PCDHA2: variants seen among roughly 807,000 people sequenced by gnomAD.
The protein encoded by PCDHA2 is protocadherin alpha-2.
In PCDHA2, 58 loss-of-function variants were observed where a neutral mutation model predicts 66.0. That is an observed-to-expected ratio of 0.88 (90% CI 0.71 to 1.09). The LOEUF is 1.09. Ranked by LOEUF, PCDHA2 falls within the 50% of genes least tolerant of loss-of-function variation. The probability of loss-of-function intolerance (pLI) is 0.00; values close to 1 mark genes in which losing one functional copy is unlikely to be tolerated. For synonymous variants in PCDHA2, 634 were observed against 554.0 expected, an observed-to-expected ratio of 1.14 and a Z score of -2.03; for missense variants, 1,267 against 1,242.3, an observed-to-expected ratio of 1.02 and a Z score of -0.30.
At chr5:140,797,480 A>G (rs886156436) in intron 1 of PCDHA2, 128 bp downstream of exon 1, 1 of 1,090,696 alleles carries the variant, frequency 9.2e-7, no homozygotes, top group Non-Finnish European at 1.3e-6. Context: ...GCGATTTTGA[A>G]TATGAATTAG....
intron 3 of PCDHA2, among the ~76,000 whole-genome samples, chr5:141,004,792 C>G (rs2098181519): frequency 6.6e-6 from 1 of 152,170 alleles, no homozygotes; most frequent in African/African-American, 2.4e-5. Flanking sequence ...CAGGCAGATT[C>G]TGGCTGAGCT....
chr5:140,810,167 A>T (rs1460461101), intron 1 of PCDHA2: 2 of 152,314 alleles, frequency 1.3e-5, no homozygotes, highest in Non-Finnish European at 2.9e-5. Context: ...ATGTTGTTAT[A>T]TGTAGTTGTA....
chr5:140,871,094 T>A, intron 1 of PCDHA2: 3 of 1,613,260 alleles, frequency 1.9e-6, no homozygotes, highest in Non-Finnish European at 2.5e-6. Context: ...ACGGCCACCG[T>A]GCTGGTGTCG....
At chr5:140,965,400 G>A (rs782574003) in intron 1 of PCDHA2, among the ~76,000 whole-genome samples, 1 of 152,154 alleles carries the variant, frequency 6.6e-6, no homozygotes, top group Non-Finnish European at 1.5e-5. Context: ...GAAGTCTAAG[G>A]AGTCTTATAT....
chr5:140,850,537 G>T (rs115218749), intron 1 of PCDHA2: 1 of 1,598,212 alleles, frequency 6.3e-7, no homozygotes, highest in Non-Finnish European at 8.6e-7. Context: ...TCATCGTCGC[G>T]GGCGTCAGTG....
At chr5:140,834,257 C>T (rs1276678217) in intron 1 of PCDHA2, 5 of 948,154 alleles carry the variant, frequency 5.3e-6, no homozygotes, top group African/African-American at 1.6e-5. Context: ...GAAAGACGCT[C>T]CACTCTCTTT....
chr5:140,822,587 G>T (rs2150117559), intron 1 of PCDHA2: 36 of 1,609,596 alleles, frequency 2.2e-5, no homozygotes, highest in Middle Eastern at 1.6e-4. Flanking sequence ...GCAGATGAGG[G>T]CATCAATAAG....
In PCDHA2 at chr5:140,796,462, G is replaced by C. The variant is rs1315323684; in HGVS notation, c.1498G>C (p.Gly500Arg). Residue 500 changes from glycine to arginine, a missense_variant, in exon 1 of 4, where the codon GGC becomes CGC. Transcript: ENST00000526136. The stretch of plus-strand genomic sequence containing the variant: ...CTACTCGCTGGTGGAGCGGCGGGTG[G>C]GCGAGCGCGCGTTGTCGAGCTACGT... Reference protein sequence around the residue: ...VSYSLVERRVGERALSSYVSV... With the variant: ...VSYSLVERRVRERALSSYVSV... The C allele has an allele frequency of 1.2e-6, 2 of 1,612,476 alleles. No individual in the cohort carries two copies. The highest frequency in any genetic ancestry group is 1.7e-6 in the Non-Finnish European group (2 of 1,179,838).
intron 1 of PCDHA2, chr5:140,830,336 T>G (rs1207479341): frequency 6.2e-7 from 1 of 1,613,688 alleles, no homozygotes; most frequent in Admixed American, 1.7e-5. Flanking sequence ...GGGGAGCTGG[T>G]CGTACTCGCA....
At chr5:140,830,309 G>C (rs2150184814) in intron 1 of PCDHA2, 1 of 1,613,974 alleles carries the variant, frequency 6.2e-7, no homozygotes. Flanking sequence ...GCCCACGCTG[G>C]TGTGCTCCAG....
chr5:140,906,075 C>A (rs2153492820), intron 1 of PCDHA2, among the ~76,000 whole-genome samples: 1 of 152,246 alleles, frequency 6.6e-6, no homozygotes, highest in African/African-American at 2.4e-5. Context: ...TAGATCGCAC[C>A]CACCCAGACT....
chr5:140,909,837 A>G (rs1385622846), intron 1 of PCDHA2, among the ~76,000 whole-genome samples: 3 of 152,190 alleles, frequency 2.0e-5, no homozygotes, highest in Non-Finnish European at 4.4e-5. Context: ...CTGGAGGACC[A>G]CCAGGACGTT....
rs550398364 is a variant in PCDHA2, at chr5:140,897,290, G to A, written c.2389-81659G>A. Among the ~76,000 whole-genome samples the A allele has an allele frequency of 1.2e-4, 18 of 150,778 alleles. No homozygotes were observed. In the East Asian group the frequency reaches 1.4e-3, roughly 11 times the overall value. On this transcript the variant is annotated intron_variant, in intron 1 of 3. Coordinates refer to ENST00000526136, the MANE Select transcript of PCDHA2 (RefSeq NM_018905.3). ...GCTGGTGTGCTGCACCCATTAACTC[G>A]TCATTTAGCATTAGGTATATCTCCT...
At chr5:140,947,304 T>A (rs1370804451) in intron 1 of PCDHA2, among the ~76,000 whole-genome samples, 1 of 151,606 alleles carries the variant, frequency 6.6e-6, no homozygotes, top group Admixed American at 6.6e-5. Flanking sequence ...CTTGACATCT[T>A]TGTAAAAAGT....
chr5:140,934,705 C>T (rs1235956763), intron 1 of PCDHA2, among the ~76,000 whole-genome samples: 8 of 152,132 alleles, frequency 5.3e-5, no homozygotes, highest in African/African-American at 1.9e-4. Flanking sequence ...TCCTGGCCAT[C>T]TTACAAAAAG....
chr5:140,968,195 T>C, intron 1 of PCDHA2: 1 of 1,614,076 alleles, frequency 6.2e-7, no homozygotes, highest in East Asian at 2.2e-5. Context: ...CTATTCCATC[T>C]ACATACAGGA....
intron 3 of PCDHA2, among the ~76,000 whole-genome samples, chr5:140,990,731 A>G (rs1554251699): frequency 1.3e-5 from 2 of 152,166 alleles, no homozygotes; most frequent in South Asian, 4.1e-4. Flanking sequence ...AGGTATATCA[A>G]CAGCCCTAGG....
chr5:140,885,485 T>C (rs2060611651), intron 1 of PCDHA2, among the ~76,000 whole-genome samples: 1 of 152,188 alleles, frequency 6.6e-6, no homozygotes, highest in Non-Finnish European at 1.5e-5. Context: ...GTGTCAAGTG[T>C]TCTGTTATCT....
chr5:140,972,213 C>T (rs1312530794), intron 1 of PCDHA2, among the ~76,000 whole-genome samples: 3 of 151,932 alleles, frequency 2.0e-5, no homozygotes, highest in African/African-American at 7.3e-5. Flanking sequence ...GAATATGGCT[C>T]ACTGCAGCCT....
Sources: allele counts gnomAD v4.1 joint callset (sites outside exome capture counted in the v4.1 genomes callset), GRCh38; gene constraint gnomAD v4.1.1; transcripts MANE v1.5; gene names NCBI Gene and HGNC (gene_info 2026-07-23, HGNC 2026-07-21).